Variants in EPHA4 observed in about 807,000 individuals in gnomAD.
The protein encoded by EPHA4 is EPH receptor A4, also known as ephrin type-A receptor 4.
Under a neutral mutation model 108.3 loss-of-function variants are expected in EPHA4, and 19 were observed. That is an observed-to-expected ratio of 0.18 (90% CI 0.12 to 0.26). EPHA4 has a LOEUF of 0.26. EPHA4 is among the 10% of genes least tolerant of loss of function. The pLI is 1.00. For missense variants in EPHA4, 917 were observed against 1,254.0 expected, an observed-to-expected ratio of 0.73 and a Z score of 4.06; for synonymous variants, 449 against 455.5, an observed-to-expected ratio of 0.99 and a Z score of 0.18.
chr2:221,522,925 C>A (rs1324953311), intron 3 of EPHA4, among the ~76,000 whole-genome samples: 1 of 151,808 alleles, frequency 6.6e-6, no homozygotes, highest in African/African-American at 2.4e-5. Context: ...GTGCCACCAT[C>A]CACCTAATTT....
chr2:221,539,957 G>A (rs1475992005), intron 3 of EPHA4, among the ~76,000 whole-genome samples: 1 of 151,954 alleles, frequency 6.6e-6, no homozygotes, highest in African/African-American at 2.4e-5. Context: ...TCACTCTGTT[G>A]CCCAGGCTGG....
intron 5 of EPHA4, among the ~76,000 whole-genome samples, chr2:221,469,771 T>C (rs866795453): frequency 2.0e-5 from 3 of 152,272 alleles, no homozygotes; most frequent in Middle Eastern, 6.8e-3. Context: ...GGACCACTTA[T>C]GATATAGTCC....
In EPHA4 at chr2:221,430,123, C is replaced by T. The variant is rs779866081; in HGVS notation, c.2525G>A (p.Arg842Gln). The T allele has an allele frequency of 6.2e-7, 1 of 1,609,692 alleles. No individual in the cohort carries two copies. Among genetic ancestry groups the T allele is most frequent in the African/African-American group, 1.3e-5 (1 of 74,862 alleles). Residue 842 changes from arginine (R) to glutamine (Q), a missense_variant, in exon 15 of 18, where the codon CGG becomes CAG. Physicochemically the swap from Arg to Gln is conservative, Grantham distance 43. Transcript: ENST00000281821. ...GGGGCAGTCCATTGGAGGGGGTAAC[C>T]GATAGCCTTCCTCAATGGCTTTAAT... ...DVIKAIEEGY[R>Q]LPPPMDCPIA...
Position 221,482,503 on chromosome 2 carries a change from C to T in EPHA4, c.1167G>A (p.Gln389=). 3.7e-6 allele frequency: 6 copies of T among 1,614,110 alleles called. No homozygotes were observed. Among genetic ancestry groups the T allele is most frequent in the South Asian group, 1.1e-5 (1 of 91,082 alleles). ...CTTTGGTGGTCTTCAAGCCATTCTG[C>T]TGTGGGGTGTAGTGGACCCCACTTC... ...PCGSGVHYTP[Q]QNGLKTTKVS... The change falls in exon 5 of 18, where the codon CAG becomes CAA. Residue 389 remains glutamine (Q), a synonymous_variant. Transcript: ENST00000281821.
At chr2:221,556,196 TAAC>T (rs1694295917) in intron 3 of EPHA4, among the ~76,000 whole-genome samples, 1 of 152,190 alleles carries the variant, frequency 6.6e-6, no homozygotes. Context: ...CATTGAAAAA[TAAC>T]AATTAACGCA....
chr2:221,549,265 T>G (rs1694092723), intron 3 of EPHA4, among the ~76,000 whole-genome samples: 1 of 152,248 alleles, frequency 6.6e-6, no homozygotes, highest in Admixed American at 6.5e-5. Flanking sequence ...TCCTGCCTGC[T>G]GTGGCCCACA....
At chr2:221,429,142 C>T (rs1689998126) in intron 15 of EPHA4, among the ~76,000 whole-genome samples, 1 of 152,090 alleles carries the variant, frequency 6.6e-6, no homozygotes, top group Admixed American at 6.6e-5. Flanking sequence ...GTCTATTATG[C>T]CTGTATTCTA....
In EPHA4 at chr2:221,492,039, C is replaced by T. The variant is rs184513781; in HGVS notation, c.979+8978G>A. ...AAAAGAAGATACCCCGTTCTCACCCCAGGGGATCTCAGAAAAATGTGTAAT... is the reference window on the plus strand; with the variant it reads ...AAAAGAAGATACCCCGTTCTCACCCTAGGGGATCTCAGAAAAATGTGTAAT... On this transcript the variant is annotated intron_variant, in intron 4 of 17. Coordinates refer to ENST00000281821, the MANE Select transcript of EPHA4 (RefSeq NM_004438.5). 7.2e-5 allele frequency among the ~76,000 whole-genome samples: 11 copies of T among 152,184 alleles called. No individual in the cohort carries two copies. In the East Asian group the frequency reaches 1.7e-3, roughly 24 times the overall value.
At chr2:221,464,414 T>C (rs769130840) in intron 5 of EPHA4, among the ~76,000 whole-genome samples, 9 of 152,208 alleles carry the variant, frequency 5.9e-5, no homozygotes, top group Non-Finnish European at 1.2e-4. Context: ...TTCAGAGCAC[T>C]AATGATATCC....
intron 4 of EPHA4, among the ~76,000 whole-genome samples, chr2:221,498,097 T>C (rs1692356243): frequency 6.6e-6 from 1 of 152,076 alleles, no homozygotes; most frequent in South Asian, 2.1e-4. Flanking sequence ...TCTTTGGAGG[T>C]TTCCTAAACT....
At chr2:221,519,673 G>A (rs1693099633) in intron 3 of EPHA4, among the ~76,000 whole-genome samples, 1 of 152,182 alleles carries the variant, frequency 6.6e-6, no homozygotes, top group Non-Finnish European at 1.5e-5. Context: ...TGCTACCTGG[G>A]AGACTCTGCT....
chr2:221,484,412 C>A (rs1196150470), intron 4 of EPHA4, among the ~76,000 whole-genome samples: 1 of 152,168 alleles, frequency 6.6e-6, no homozygotes, highest in East Asian at 1.9e-4. Context: ...TAATTACCAA[C>A]AACCTCTTTA....
intron 5 of EPHA4, among the ~76,000 whole-genome samples, chr2:221,476,990 G>A (rs1691671840): frequency 1.3e-5 from 2 of 152,068 alleles, no homozygotes; most frequent in Admixed American, 1.3e-4. Context: ...AGATGGAACT[G>A]TACAATGACT....
intron 11 of EPHA4, among the ~76,000 whole-genome samples, chr2:221,437,688 G>C (rs1210109524): frequency 2.0e-5 from 3 of 151,018 alleles, no homozygotes; most frequent in African/African-American, 7.3e-5. Flanking sequence ...AAGACAGTCG[G>C]ATTGCCTCAG....
chr2:221,499,755 TA>T (rs1469609526), intron 4 of EPHA4, among the ~76,000 whole-genome samples: 1,117 of 35,082 alleles, frequency 0.032, 21 homozygotes, highest in Non-Finnish European at 0.04. Context: ...TATATATATA[TA>T]TTTTTTTTTT....
chr2:221,470,624 A>C (rs2106129595), intron 5 of EPHA4, among the ~76,000 whole-genome samples: 1 of 150,130 alleles, frequency 6.7e-6, no homozygotes, highest in Non-Finnish European at 1.5e-5. Flanking sequence ...CTTTTCCCTA[A>C]AGTATCACTT....
intron 3 of EPHA4, among the ~76,000 whole-genome samples, chr2:221,523,477 G>A (rs1693234421): frequency 6.6e-6 from 1 of 151,986 alleles, no homozygotes; most frequent in African/African-American, 2.4e-5. Context: ...AGTAGAGATG[G>A]GGTTTCTCCA....
rs147267224 is a variant in EPHA4, at chr2:221,420,253, G to A, written c.*1119C>T. 6.5e-5 allele frequency: 10 copies of A among 152,680 alleles called. No individual in the cohort carries two copies. The East Asian group carries it at 1.9e-3, about 29-fold the overall frequency. The allele number at this position is 152,680 out of a possible 1,614,324, so 9.5% of individuals were successfully genotyped here. A position where few individuals can be genotyped will look rare whatever the true frequency, so the allele number is the denominator to read the frequency against. On this transcript the variant is annotated 3_prime_UTR_variant, in exon 18 of 18. Coordinates refer to ENST00000281821, the MANE Select transcript of EPHA4 (RefSeq NM_004438.5). ...ATATAAATAAAACCGCAAAGAGTCT[G>A]GGGCAAGGGCTCTGCAGAGCTGGTG...
At chr2:221,442,703 T>C in intron 11 of EPHA4, 126 bp downstream of exon 11, 1 of 957,762 alleles carries the variant, frequency 1.0e-6, no homozygotes, top group East Asian at 2.5e-5. Flanking sequence ...TGACTTGTCC[T>C]GCACTGATTT....
Sources: gnomAD v4.1 joint callset for allele counts (sites outside exome capture counted in the v4.1 genomes callset) on GRCh38, gnomAD v4.1.1 for gene constraint, MANE v1.5 for transcripts, NCBI Gene and HGNC (gene_info 2026-07-23, HGNC 2026-07-21) for gene names.